CP: variants seen among roughly 807,000 people sequenced by gnomAD.
CP encodes caeruloplasmin.
Under a neutral mutation model 122.4 loss-of-function variants are expected in CP, and 64 were observed. That is an observed-to-expected ratio of 0.52 (90% CI 0.43 to 0.64). The LOEUF (loss-of-function observed/expected upper bound fraction) is 0.64, where lower values mean the gene tolerates loss of function less well. Ranked by LOEUF, CP falls within the 30% of genes least tolerant of loss-of-function variation. CP has a pLI of 0.00. For synonymous variants in CP, 440 were observed against 436.4 expected, an observed-to-expected ratio of 1.01 and a Z score of -0.10; for missense variants, 1,167 against 1,284.4, an observed-to-expected ratio of 0.91 and a Z score of 1.40.
downstream of CP, chr3:149,168,072 C>T (rs1406220444): frequency 7.6e-6 from 6 of 792,198 alleles, no homozygotes; most frequent in Admixed American, 1.2e-4. Flanking sequence ...ATGTGATTCT[C>T]AAGTGAAACC....
rs984317340 is a variant in CP, at chr3:149,183,489, T to C, written c.2402A>G (p.Glu801Gly). ...ACCTAGAATTCCCAGATGTTCTTCT[T>C]CAGCTTTTCTCTCCACTGGAACACG... is the stretch of plus-strand genomic sequence containing the variant. ...TFRVPVERKAEEEHLGILGPQ... is the reference protein window; with the variant it reads ...TFRVPVERKAGEEHLGILGPQ... Residue 801 changes from glutamate (E) to glycine (G), a missense_variant, in exon 13 of 19, where the codon GAA (glutamate) becomes GGA (glycine). Glu to Gly is a moderately conservative substitution (Grantham distance 98). This residue lies in a region of CP where 525 missense variants were observed against 657.2 expected (regional missense o/e 0.80). Transcript: ENST00000264613. 11 of 1,611,654 alleles carry C rather than the reference T, an allele frequency of 6.8e-6. No homozygotes were observed. Among genetic ancestry groups the C allele is most frequent in the Non-Finnish European group, 9.3e-6 (11 of 1,179,864 alleles).
rs1323379233 is a variant in CP, at chr3:149,206,180, G to A, written c.1196C>T (p.Thr399Ile). ...TTTTGTAAATTACCTTCCAGGTGCT[G>A]TTAAGTTTTCTTTAGTGAAGATGTC... ...GIDIFTKENL[T>I]APGSDSAVFF... The change falls in exon 6 of 19, where the codon ACA (threonine) becomes ATA (isoleucine). Residue 399 changes from threonine to isoleucine, a missense_variant. Around this residue, in one of 2 missense-constraint regions of CP, gnomAD observed 642 missense variants for 627.3 expected, o/e 1.02. Transcript: ENST00000264613. The A allele has an allele frequency of 3.1e-6, 5 of 1,613,854 alleles. No individual in the cohort carries two copies. Among genetic ancestry groups the A allele is most frequent in the Middle Eastern group, 1.7e-4 (1 of 6,048 alleles).
downstream of CP, chr3:149,172,144 T>A (rs1255690815): frequency 6.2e-7 from 1 of 1,612,798 alleles, no homozygotes; most frequent in Admixed American, 1.7e-5. Flanking sequence ...ATTTCATGAA[T>A]GTTCTCCCAG....
intron 9 of CP, among the ~76,000 whole-genome samples, chr3:149,188,490 C>CAAAAAAAAAAAAAAAAA (rs60815739): frequency 2.2e-5 from 1 of 46,100 alleles, no homozygotes; most frequent in African/African-American, 5.7e-5. Context: ...TTGAAGCCTC[C>CAAAAAAAAAAAAAAAAA]AAAAAAAAAA....
chr3:149,188,545 T>C (rs1258536658), intron 9 of CP, among the ~76,000 whole-genome samples: 1 of 143,122 alleles, frequency 7.0e-6, no homozygotes, highest in Non-Finnish European at 1.5e-5. Flanking sequence ...AATATGGGTC[T>C]GTGCTGGAAA....
chr3:149,199,852 C>CA lies in CP; in HGVS notation c.1360dup (p.Trp454LeufsTer14). On this transcript the variant is annotated frameshift_variant, in exon 8 of 19. Transcript: ENST00000264613. LOFTEE classifies it high-confidence loss of function. Reference sequence around the variant, plus strand: ...TCTGATGGTGTCTCCCACCTCTGCCCAAATGACAGGACCTGGGAACAAAGA... The same window carrying CA: ...TCTGATGGTGTCTCCCACCTCTGCCCAAAATGACAGGACCTGGGAACAAAGA... 6.2e-7 allele frequency: 1 copy of CA among 1,614,040 alleles called. No homozygotes were observed. The highest frequency in any genetic ancestry group is 8.5e-7 in the Non-Finnish European group (1 of 1,179,940).
Position 149,176,293 on chromosome 3 carries a change from A to T in CP, c.3138T>A (p.Ile1046=). The stretch of plus-strand genomic sequence containing the variant: ...TGTAAGTGGTTTCCATTCCAGCATG[A>T]ATGTGGTCGGTCACATGGCAGTGGA... ...WLLHCHVTDH[I]HAGMETTYTV... is the part of the protein sequence containing the mutation. The change falls in exon 18 of 19, where the codon ATT becomes ATA. Residue 1046 remains isoleucine, a synonymous_variant. Transcript: ENST00000264613. 5 of 1,613,228 alleles carry T rather than the reference A, an allele frequency of 3.1e-6. No homozygotes were observed. The highest frequency in any genetic ancestry group is 4.2e-6 in the Non-Finnish European group (5 of 1,179,660).
At chr3:149,202,945 T>C (rs1559953183) in intron 6 of CP, among the ~76,000 whole-genome samples, 1 of 142,336 alleles carries the variant, frequency 7.0e-6, no homozygotes, top group East Asian at 2.1e-4. Flanking sequence ...CTCACTCTGT[T>C]GCCCAGGCTG....
chr3:149,219,273 G>A (rs1254813857), intron 1 of CP, among the ~76,000 whole-genome samples: 1 of 152,158 alleles, frequency 6.6e-6, no homozygotes, highest in Non-Finnish European at 1.5e-5. Context: ...ACTAGAAGAT[G>A]CTCCATTTTT....
rs1725426273 is a variant in CP at position 149,176,472 on chromosome 3, T to C, written c.3019-60A>G. On this transcript the variant is annotated intron_variant, in intron 17 of 18. Coordinates refer to ENST00000264613, the MANE Select transcript of CP (RefSeq NM_000096.4). ...TGTATATGAGAGTTCACTCATGTCA[T>C]TTGTTAATGTTCAGCTCAGGGATAT... is the stretch of plus-strand genomic sequence containing the variant. 4 of 1,312,756 alleles carry C rather than the reference T, an allele frequency of 3.0e-6. No homozygotes were observed. The Admixed American group carries it at 6.8e-5, about 22-fold the overall frequency. The allele number at this position is 1,312,756 out of a possible 1,614,324, so 81.3% of individuals were successfully genotyped here. A position where few individuals can be genotyped will look rare whatever the true frequency, so the allele number is the denominator to read the frequency against.
rs574756852 is a variant in CP, at chr3:149,174,877, T to C, written c.3182-1147A>G. On this transcript the variant is annotated intron_variant, in intron 18 of 18. Transcript: ENST00000264613. ...TCTTTGCAAAAGTCAAATTTCTCTT[T>C]AATTTTTTATCTAGTGTTGATTTTT... Among the ~76,000 whole-genome samples, 8 of 152,288 alleles carry C rather than the reference T, an allele frequency of 5.3e-5. 1 individual carries two copies. Among genetic ancestry groups the C allele is most frequent in the African/African-American group, 1.9e-4 (8 of 41,558 alleles).
At chr3:149,167,327 A>G (rs1055082184) in intron 4 of CP, 2 of 1,008,952 alleles carry the variant, frequency 2.0e-6, no homozygotes, top group Admixed American at 2.0e-5. Flanking sequence ...AATGGGGACA[A>G]TTTATGCTAA....
chr3:149,203,499 A>G (rs962889226), intron 6 of CP, among the ~76,000 whole-genome samples: 2 of 151,994 alleles, frequency 1.3e-5, no homozygotes, highest in Non-Finnish European at 2.9e-5. Flanking sequence ...CCTGGCCTCA[A>G]GTGATCCACC....
At chr3:149,197,928 T>TG (rs1357055143) in intron 9 of CP, among the ~76,000 whole-genome samples, 3 of 152,156 alleles carry the variant, frequency 2.0e-5, no homozygotes, top group Admixed American at 1.3e-4. Flanking sequence ...GTGTGGCCCA[T>TG]GGGGGTGTGT....
intron 1 of CP, among the ~76,000 whole-genome samples, chr3:149,218,862 G>C (rs1241212079): frequency 1.3e-5 from 2 of 152,178 alleles, no homozygotes; most frequent in Middle Eastern, 3.4e-3. Context: ...TCAACATTCA[G>C]CTTAAACTCG....
chr3:149,166,489 G>T (rs1471061377), intron 4 of CP, among the ~76,000 whole-genome samples: 1 of 152,066 alleles, frequency 6.6e-6, no homozygotes, highest in Non-Finnish European at 1.5e-5. Context: ...AACTGATCAT[G>T]TTCAGAATAT....
At position 149,183,899 on chromosome 3, in the gene CP, C is replaced by A. The variant is rs146995418; in HGVS notation, c.2286-294G>T. Among the ~76,000 whole-genome samples the A allele has an allele frequency of 1.9e-3, 289 of 152,038 alleles. 2 individuals carry two copies. Among genetic ancestry groups the A allele is most frequent in the African/African-American group, 6.6e-3 (273 of 41,472 alleles). ...TTGGAACCTCAGTTTTTTCATCCCT[C>A]AAATGAGATATTTGAACAGATCATC... is the stretch of plus-strand genomic sequence containing the variant. On this transcript the variant is annotated intron_variant, in intron 12 of 18. Transcript: ENST00000264613.
intron 9 of CP, among the ~76,000 whole-genome samples, chr3:149,188,489 C>CAAAAA (rs1559942731): frequency 1.5e-4 from 1 of 6,642 alleles, no homozygotes; most frequent in Admixed American, 1.9e-3. Flanking sequence ...ATTGAAGCCT[C>CAAAAA]CAAAAAAAAA....
intron 1 of CP, among the ~76,000 whole-genome samples, chr3:149,218,806 T>C (rs1260593272): frequency 1.3e-5 from 2 of 152,214 alleles, no homozygotes; most frequent in East Asian, 3.8e-4. Flanking sequence ...CATATACTAG[T>C]ACTCTCAATG....
Sources: gnomAD v4.1 joint callset for allele counts (sites outside exome capture counted in the v4.1 genomes callset) on GRCh38, gnomAD v4.1.1 for gene constraint, gnomAD v4.1.1 regional missense constraint, MANE v1.5 for transcripts, NCBI Gene and HGNC (gene_info 2026-07-23, HGNC 2026-07-21) for gene names.